ADCY8: variants seen among roughly 807,000 people sequenced by gnomAD.
The protein encoded by ADCY8 is adenylate cyclase 8, also known as adenylate cyclase type 8.
In ADCY8, 51 loss-of-function variants were observed where a neutral mutation model predicts 119.7. The ratio of observed to expected loss-of-function variants is 0.43; its 90% CI spans 0.34 to 0.54. The LOEUF is 0.54. ADCY8 is among the 20% of genes least tolerant of loss of function. ADCY8 has a pLI of 0.03. For missense variants in ADCY8, 1,383 were observed against 1,598.8 expected, an observed-to-expected ratio of 0.87 and a Z score of 2.30; for synonymous variants, 665 against 651.0, an observed-to-expected ratio of 1.02 and a Z score of -0.33.
At chr8:130,804,400 C>T (rs1412290170) in intron 14 of ADCY8, among the ~76,000 whole-genome samples, 2 of 152,244 alleles carry the variant, frequency 1.3e-5, no homozygotes, top group East Asian at 1.9e-4. Flanking sequence ...GGGTTAGGTC[C>T]CCCTAATGAC....
At chr8:130,966,828 T>C (rs1176261007) in intron 2 of ADCY8, among the ~76,000 whole-genome samples, 1 of 152,210 alleles carries the variant, frequency 6.6e-6, no homozygotes, top group Non-Finnish European at 1.5e-5. Context: ...AATCAGTTAA[T>C]ATTTATAAAA....
chr8:131,004,275 T>C (rs1823044968), intron 1 of ADCY8, among the ~76,000 whole-genome samples: 1 of 152,114 alleles, frequency 6.6e-6, no homozygotes, highest in Non-Finnish European at 1.5e-5. Context: ...GTGATCTGCC[T>C]CCCAACACCC....
chr8:131,017,412 G>T (rs1411813708), intron 1 of ADCY8, among the ~76,000 whole-genome samples: 2 of 152,180 alleles, frequency 1.3e-5, no homozygotes, highest in Non-Finnish European at 2.9e-5. Flanking sequence ...AGCAGTCGGA[G>T]CTAGATGGCT....
chr8:130,953,936 T>C (rs934041577), intron 2 of ADCY8, among the ~76,000 whole-genome samples: 9 of 152,234 alleles, frequency 5.9e-5, no homozygotes, highest in Admixed American at 2.0e-4. Context: ...TTGTGTTCAT[T>C]TGTGCTATTT....
chr8:130,876,298 G>A (rs1048431359), intron 8 of ADCY8, among the ~76,000 whole-genome samples: 1 of 152,022 alleles, frequency 6.6e-6, no homozygotes, highest in African/African-American at 2.4e-5. Flanking sequence ...TGATCCACCC[G>A]CCTCATTCTC....
intron 1 of ADCY8, among the ~76,000 whole-genome samples, chr8:131,014,903 G>A (rs913950215): frequency 5.3e-5 from 8 of 152,020 alleles, no homozygotes; most frequent in Non-Finnish European, 8.8e-5. Context: ...TTTTAATGTG[G>A]GATTATGTGT....
intron 9 of ADCY8, among the ~76,000 whole-genome samples, chr8:130,855,031 G>A (rs1031868022): frequency 6.7e-6 from 1 of 148,944 alleles, no homozygotes; most frequent in Non-Finnish European, 1.5e-5. Context: ...TCTTTCCTTC[G>A]TTTACCCTTC....
chr8:130,946,670 T>A (rs1821115447), intron 3 of ADCY8, among the ~76,000 whole-genome samples: 1 of 152,188 alleles, frequency 6.6e-6, no homozygotes, highest in Non-Finnish European at 1.5e-5. Context: ...TGAAGTCACC[T>A]CTGCATCCCA....
chr8:130,780,401 C>G lies in ADCY8; in HGVS notation c.3745G>C (p.Asp1249His), dbSNP rs769618740. 8 of 1,454,898 alleles carry G rather than the reference C, an allele frequency of 5.5e-6. No homozygotes were observed. The highest frequency in any genetic ancestry group is 7.3e-6 in the Non-Finnish European group (8 of 1,098,524). 90.1% of individuals were successfully genotyped at this position (1,454,898 alleles called of 1,614,324 possible). A position where few individuals can be genotyped will look rare whatever the true frequency, so the allele number is the denominator to read the frequency against. Residue 1249 changes from aspartate to histidine, a missense_variant, in exon 18 of 18, where the codon GAT becomes CAT. Around this residue, in one of 2 missense-constraint regions of ADCY8, gnomAD observed 928 missense variants for 1,163.5 expected, o/e 0.80. Coordinates refer to ENST00000286355, the MANE Select transcript of ADCY8 (RefSeq NM_001115.3). ...GAAAGAAAATGCTTTTATGGCAAATCAGATTTGTCGGTGCCTTCAGCCTGG... is the reference window on the plus strand; with the variant it reads ...GAAAGAAAATGCTTTTATGGCAAATGAGATTTGTCGGTGCCTTCAGCCTGG... ...GAQAEGTDKS[D>H]LP
At chr8:130,817,459 G>T (rs1367421464) in intron 13 of ADCY8, among the ~76,000 whole-genome samples, 1 of 152,078 alleles carries the variant, frequency 6.6e-6, no homozygotes, top group Non-Finnish European at 1.5e-5. Flanking sequence ...CAAATTTTAG[G>T]TACTTTTAAT....
chr8:130,923,925 C>T (rs1415788556), intron 5 of ADCY8, among the ~76,000 whole-genome samples: 1 of 152,070 alleles, frequency 6.6e-6, no homozygotes, highest in Non-Finnish European at 1.5e-5. Flanking sequence ...TCTTGTTATT[C>T]TTAGATGTTT....
At chr8:130,963,428 A>G (rs1385759226) in intron 2 of ADCY8, among the ~76,000 whole-genome samples, 1 of 152,234 alleles carries the variant, frequency 6.6e-6, no homozygotes, top group Non-Finnish European at 1.5e-5. Context: ...TTTCAGACAC[A>G]GGGGAACAGT....
At chr8:130,800,969 A>AG (rs1815758394) in intron 14 of ADCY8, among the ~76,000 whole-genome samples, 1 of 152,178 alleles carries the variant, frequency 6.6e-6, no homozygotes, top group Non-Finnish European at 1.5e-5. Context: ...CCCATCCAGT[A>AG]GGGGTTTTAC....
At chr8:130,971,905 T>C (rs900981815) in intron 2 of ADCY8, among the ~76,000 whole-genome samples, 3 of 152,232 alleles carry the variant, frequency 2.0e-5, no homozygotes, top group African/African-American at 7.2e-5. Flanking sequence ...CTGGGGAATA[T>C]CAACTTCATC....
chr8:130,833,267 G>A (rs1816893937), intron 12 of ADCY8, among the ~76,000 whole-genome samples: 1 of 152,140 alleles, frequency 6.6e-6, no homozygotes, highest in African/African-American at 2.4e-5. Context: ...GTTATTTACT[G>A]GCCGTGTGAA....
intron 2 of ADCY8, among the ~76,000 whole-genome samples, chr8:130,988,126 A>G (rs1469742474): frequency 6.6e-6 from 1 of 152,250 alleles, no homozygotes; most frequent in Non-Finnish European, 1.5e-5. Flanking sequence ...AGTAAAAATT[A>G]CTAATCCAGG....
At chr8:130,822,544 ATCCATCCATCC>A (rs1563679244) in intron 12 of ADCY8, among the ~76,000 whole-genome samples, 27 of 49,370 alleles carry the variant, frequency 5.5e-4, no homozygotes, top group Non-Finnish European at 1.0e-3. Context: ...GAATCCATCC[ATCCATCCATCC>A]ATCCATCCAT....
chr8:130,781,179 A>G (rs1435951383), intron 17 of ADCY8, among the ~76,000 whole-genome samples: 2 of 152,230 alleles, frequency 1.3e-5, no homozygotes, highest in Admixed American at 6.5e-5. Flanking sequence ...GAATATAATT[A>G]TTATTGTCAT....
chr8:130,942,957 G>C (rs1820999771), intron 4 of ADCY8, among the ~76,000 whole-genome samples: 1 of 152,196 alleles, frequency 6.6e-6, no homozygotes. Context: ...TTGAGAACAT[G>C]CTAATTCATC....
Sources: allele counts gnomAD v4.1 joint callset (sites outside exome capture counted in the v4.1 genomes callset), GRCh38; gene constraint gnomAD v4.1.1; regional missense constraint gnomAD v4.1.1; transcripts MANE v1.5; gene names NCBI Gene and HGNC (gene_info 2026-07-23, HGNC 2026-07-21).